The following TCF4 variants were observed in gnomAD, a reference collection of about 807,000 sequenced individuals.
TCF4 encodes SL3-3 enhancer factor 2.
A neutral mutation model predicts 82.1 loss-of-function variants in TCF4; 3 were observed. That is an observed-to-expected ratio of 0.04 (90% confidence interval 0.02 to 0.09). TCF4 has a LOEUF of 0.09. Among genes scored for constraint, TCF4 ranks in the 10% least tolerant of loss-of-function variants. The pLI, the probability that TCF4 is intolerant of heterozygous loss-of-function variation, is 1.00. For missense variants in TCF4, 518 were observed against 852.7 expected, an observed-to-expected ratio of 0.61 and a Z score of 4.89; for synonymous variants, 276 against 309.6, an observed-to-expected ratio of 0.89 and a Z score of 1.14.
chr18:55,379,253 A>C (rs2091449985), intron 6 of TCF4, among the ~76,000 whole-genome samples: 1 of 152,190 alleles, frequency 6.6e-6, no homozygotes, highest in Non-Finnish European at 1.5e-5. Flanking sequence ...AGGCTGAAAA[A>C]GAAGCAAAAC....
chr18:55,570,887 C>T (rs1294561947), intron 3 of TCF4, among the ~76,000 whole-genome samples: 1 of 136,706 alleles, frequency 7.3e-6, no homozygotes, highest in Non-Finnish European at 1.5e-5. Context: ...GAGACCCTGC[C>T]TCAAAAAAAA....
At chr18:55,544,853 C>T (rs1253808903) in intron 3 of TCF4, among the ~76,000 whole-genome samples, 1 of 152,112 alleles carries the variant, frequency 6.6e-6, no homozygotes, top group Non-Finnish European at 1.5e-5. Flanking sequence ...CAGATCAGCA[C>T]TCGGAGAGCG....
intron 3 of TCF4, among the ~76,000 whole-genome samples, chr18:55,499,790 C>T (rs2096677205): frequency 6.6e-6 from 1 of 152,222 alleles, no homozygotes; most frequent in African/African-American, 2.4e-5. Flanking sequence ...CTATCTGAAT[C>T]CTACTGGGAG....
intron 8 of TCF4, among the ~76,000 whole-genome samples, chr18:55,328,633 A>T (rs1167000522): frequency 3.3e-5 from 5 of 152,086 alleles, no homozygotes; most frequent in Non-Finnish European, 7.4e-5. Flanking sequence ...TCAAAATGGT[A>T]CACGTGTAAA....
At chr18:55,368,319 T>A (rs150113812) in intron 6 of TCF4, among the ~76,000 whole-genome samples, 107 of 152,272 alleles carry the variant, frequency 7.0e-4, no homozygotes, top group African/African-American at 2.5e-3. Flanking sequence ...AGGCGGAGGT[T>A]GCAGTGAGCT....
At chr18:55,272,767 T>G (rs543574311) in intron 10 of TCF4, among the ~76,000 whole-genome samples, 2 of 152,182 alleles carry the variant, frequency 1.3e-5, no homozygotes, top group East Asian at 3.9e-4. Flanking sequence ...ACGCACTGGA[T>G]TCCAGTAGCA....
At chr18:55,267,265 G>A (rs901270556) in intron 11 of TCF4, 3 of 152,092 alleles carry the variant, frequency 2.0e-5, no homozygotes, top group East Asian at 3.9e-4. Context: ...TACAGGCAAC[G>A]TAATATTTCT....
intron 3 of TCF4, among the ~76,000 whole-genome samples, chr18:55,468,699 T>C (rs1466059794): frequency 4.6e-5 from 7 of 152,210 alleles, no homozygotes; most frequent in Non-Finnish European, 1.0e-4. Flanking sequence ...ATTAGTTCTT[T>C]ATTGAAATGA....
chr18:55,427,492 C>T (rs1167710856), intron 5 of TCF4, among the ~76,000 whole-genome samples: 2 of 152,182 alleles, frequency 1.3e-5, no homozygotes. Flanking sequence ...AGTCAAACCG[C>T]CTGGGTTTGA....
At chr18:55,504,033 C>T (rs983176719) in intron 3 of TCF4, among the ~76,000 whole-genome samples, 2 of 152,192 alleles carry the variant, frequency 1.3e-5, no homozygotes, top group Non-Finnish European at 2.9e-5. Context: ...CGATCCACCT[C>T]ACTCCAGCCT....
chr18:55,589,561 ATTGT>A (rs1568474671), upstream of TCF4: 1 of 1,041,136 alleles, frequency 9.6e-7, no homozygotes, highest in African/African-American at 1.7e-5. Flanking sequence ...ACTTTTTCTT[ATTGT>A]TTATAAAAAA....
intron 6 of TCF4, among the ~76,000 whole-genome samples, chr18:55,392,314 T>G (rs2093184314): frequency 1.3e-5 from 2 of 151,846 alleles, no homozygotes. Context: ...CTATCCTGAC[T>G]GGTTGTCAAT....
chr18:55,460,635 A>T lies in TCF4; in HGVS notation c.304+384T>A, dbSNP rs1222135982. 2.6e-5 allele frequency among the ~76,000 whole-genome samples: 4 copies of T among 152,348 alleles called. No homozygotes were observed. The East Asian group carries it at 7.7e-4, about 29-fold the overall frequency. ...TTAGCAGAAATCACAGTTAACACTG[A>T]CTATATATCACTGCCAACCAACAAG... On this transcript the variant is annotated intron_variant, in intron 5 of 19. Coordinates refer to ENST00000354452, the MANE Select transcript of TCF4 (RefSeq NM_001083962.2).
intron 2 of TCF4, chr18:55,586,081 C>G (rs2097642356): frequency 7.7e-6 from 11 of 1,424,908 alleles, no homozygotes; most frequent in Non-Finnish European, 1.0e-5. Context: ...CCTGGCAAAA[C>G]TTCCGAAAGC....
intron 3 of TCF4, among the ~76,000 whole-genome samples, chr18:55,545,434 GT>G (rs1223688547): frequency 1.3e-5 from 2 of 151,692 alleles, no homozygotes; most frequent in African/African-American, 2.4e-5. Flanking sequence ...TTGGTCTGGG[GT>G]TTTTTTTGTT....
intron 15 of TCF4, among the ~76,000 whole-genome samples, chr18:55,249,237 G>A (rs747100388): frequency 4.6e-5 from 7 of 152,168 alleles, no homozygotes; most frequent in Non-Finnish European, 1.0e-4. Context: ...AGCCCTAAGA[G>A]GTAAAAGTTC....
chr18:55,250,425 T>C (rs947838217), intron 15 of TCF4, among the ~76,000 whole-genome samples: 19 of 152,210 alleles, frequency 1.2e-4, no homozygotes, highest in Non-Finnish European at 2.2e-4. Flanking sequence ...CACAAGCTCC[T>C]AGCATTTAAA....
intron 2 of TCF4, among the ~76,000 whole-genome samples, chr18:55,618,495 GTCTA>G (rs757963647): frequency 3.2e-4 from 49 of 151,508 alleles, no homozygotes; most frequent in Admixed American, 7.2e-4. Context: ...TTTTTTGTTA[GTCTA>G]TCTAAGGGTT....
chr18:55,362,519 T>C (rs1393396108), intron 6 of TCF4, among the ~76,000 whole-genome samples: 6 of 152,170 alleles, frequency 3.9e-5, no homozygotes, highest in Non-Finnish European at 7.4e-5. Context: ...ACTGTCTCTT[T>C]TTCGAAATCC....
Sources: allele counts gnomAD v4.1 joint callset (sites outside exome capture counted in the v4.1 genomes callset), GRCh38; gene constraint gnomAD v4.1.1; transcripts MANE v1.5; gene names NCBI Gene and HGNC (gene_info 2026-07-23, HGNC 2026-07-21).